GSK3B: variants seen among roughly 807,000 people sequenced by gnomAD.
GSK3B encodes the protein glycogen synthase kinase-3 beta.
In GSK3B, 15 loss-of-function variants were observed where a neutral mutation model predicts 56.4. The ratio of observed to expected loss-of-function variants is 0.27; its 90% CI spans 0.18 to 0.41. GSK3B has a LOEUF of 0.41. Among genes scored for constraint, GSK3B ranks in the 10% least tolerant of loss-of-function variants. The pLI is 1.00. For missense variants in GSK3B, 300 were observed against 513.4 expected, an observed-to-expected ratio of 0.58 and a Z score of 4.02; for synonymous variants, 181 against 188.9, an observed-to-expected ratio of 0.96 and a Z score of 0.34.
At chr3:120,092,523 T>C (rs1046739569) in intron 1 of GSK3B, among the ~76,000 whole-genome samples, 19 of 152,186 alleles carry the variant, frequency 1.2e-4, no homozygotes, top group African/African-American at 4.3e-4. Flanking sequence ...GTGACAACAT[T>C]TAACTTAGTA....
chr3:119,863,298 C>T, intron 9 of GSK3B, 121 bp downstream of exon 9: 1 of 758,040 alleles, frequency 1.3e-6, no homozygotes, highest in Non-Finnish European at 2.3e-6. Context: ...CTCTTTTCAC[C>T]TACCTAAGTA....
At chr3:119,904,170 GA>G (rs76551192) in intron 7 of GSK3B, among the ~76,000 whole-genome samples, 34,974 of 151,918 alleles carry the variant, frequency 0.23, 5,016 homozygotes, top group Non-Finnish European at 0.32. Context: ...TTTTGTTACT[GA>G]AGTACCTATA....
At chr3:119,882,863 T>G (rs1338869209) in intron 7 of GSK3B, among the ~76,000 whole-genome samples, 1 of 152,242 alleles carries the variant, frequency 6.6e-6, no homozygotes, top group South Asian at 2.1e-4. Context: ...CTTTATTATA[T>G]TTACAATCAG....
chr3:120,079,136 T>A (rs141116688), intron 1 of GSK3B, among the ~76,000 whole-genome samples: 2 of 151,018 alleles, frequency 1.3e-5, no homozygotes, highest in Admixed American at 6.6e-5. Context: ...GAGACAGGGT[T>A]TCACCATGTT....
chr3:119,913,690 C>T (rs1419403222), intron 5 of GSK3B, among the ~76,000 whole-genome samples: 1 of 151,424 alleles, frequency 6.6e-6, no homozygotes, highest in African/African-American at 2.4e-5. Context: ...ACTGGAAAAC[C>T]AGGGTAAAGA....
At chr3:120,001,886 A>T (rs997024114) in intron 2 of GSK3B, among the ~76,000 whole-genome samples, 160 bp downstream of exon 2, 8 of 152,226 alleles carry the variant, frequency 5.3e-5, no homozygotes, top group Non-Finnish European at 1.5e-5. Flanking sequence ...TTATCTCTAC[A>T]AAATACATGA....
intron 1 of GSK3B, among the ~76,000 whole-genome samples, chr3:120,091,755 C>A (rs545610011): frequency 6.6e-6 from 1 of 152,108 alleles, no homozygotes; most frequent in African/African-American, 2.4e-5. Flanking sequence ...AAGCACGACC[C>A]TTCCCTGAAA....
rs533087576 is a variant in GSK3B, at chr3:120,075,485, C to G, written c.88+17862G>C. 1.2e-4 allele frequency among the ~76,000 whole-genome samples: 18 copies of G among 152,170 alleles called. No homozygotes were observed. The South Asian group carries it at 3.7e-3, about 32-fold the overall frequency. On this transcript the variant is annotated intron_variant, in intron 1 of 10. Transcript: ENST00000264235. ...ATGGCATGATCCCATATATAGAAAA[C>G]TCCAAAGACCACATGAAAAACTGTT...
At chr3:119,926,163 T>C (rs1407220540) in intron 3 of GSK3B, among the ~76,000 whole-genome samples, 1 of 152,164 alleles carries the variant, frequency 6.6e-6, no homozygotes, top group African/African-American at 2.4e-5. Context: ...TCCAGTCTAA[T>C]GACTCAATAC....
chr3:119,832,703 T>C lies in GSK3B; in HGVS notation c.1196-5848A>G, dbSNP rs141372671. ...GTTTTCTGAAAAGTCTATGGCTCTA[T>C]GGCTTTGTACCAGATGCTGCAAAGC... On this transcript the variant is annotated intron_variant, in intron 10 of 10. Coordinates refer to ENST00000264235, the MANE Select transcript of GSK3B (RefSeq NM_001146156.2). Among the ~76,000 whole-genome samples, 280 of 152,378 alleles carry C rather than the reference T, an allele frequency of 1.8e-3. 1 individual carries two copies. The highest frequency in any genetic ancestry group is 5.2e-3 in the Admixed American group (80 of 15,306).
At chr3:119,994,238 T>C (rs531152470) in intron 2 of GSK3B, among the ~76,000 whole-genome samples, 8 of 152,228 alleles carry the variant, frequency 5.3e-5, no homozygotes, top group African/African-American at 1.9e-4. Flanking sequence ...TGAGTCCATA[T>C]GATATATACA....
chr3:119,927,264 T>G (rs1316155756), intron 3 of GSK3B, among the ~76,000 whole-genome samples: 1 of 152,232 alleles, frequency 6.6e-6, no homozygotes, highest in East Asian at 1.9e-4. Context: ...AAAATTAGAT[T>G]ACAAACTGAC....
chr3:119,851,565 AAATC>A (rs909315590), intron 9 of GSK3B, among the ~76,000 whole-genome samples: 2 of 152,180 alleles, frequency 1.3e-5, no homozygotes, highest in Non-Finnish European at 2.9e-5. Flanking sequence ...AGAGGGAAGA[AAATC>A]AACCCCTCTA....
At chr3:120,066,423 G>A (rs1248225987) in intron 1 of GSK3B, among the ~76,000 whole-genome samples, 1 of 152,066 alleles carries the variant, frequency 6.6e-6, no homozygotes, top group Non-Finnish European at 1.5e-5. Flanking sequence ...TGGCAAAAAT[G>A]GAACAATTTG....
chr3:119,938,405 GC>G (rs2057016403), intron 3 of GSK3B, among the ~76,000 whole-genome samples: 1 of 151,872 alleles, frequency 6.6e-6, no homozygotes, highest in Admixed American at 6.6e-5. Flanking sequence ...AAATCTAATA[GC>G]ATATTAAAAG....
chr3:120,065,081 T>C (rs1351248244), intron 1 of GSK3B, among the ~76,000 whole-genome samples: 1 of 152,142 alleles, frequency 6.6e-6, no homozygotes, highest in Admixed American at 6.5e-5. Context: ...TTTTTAGATA[T>C]GATGCCAAAA....
At chr3:120,047,854 T>C (rs931651779) in intron 1 of GSK3B, among the ~76,000 whole-genome samples, 2 of 152,236 alleles carry the variant, frequency 1.3e-5, no homozygotes, top group African/African-American at 4.8e-5. Context: ...AGATGTTCTG[T>C]ACTTAACTTG....
rs145447852 is a variant in GSK3B, at chr3:119,997,755, G to A, written c.282+4291C>T. The stretch of plus-strand genomic sequence containing the variant: ...CATAAGCCAAAATGGACAAATCAGC[G>A]GAAAAGAAAAGGAAACCCAGAAGAA... On this transcript the variant is annotated intron_variant, in intron 2 of 10. Coordinates refer to ENST00000264235, the MANE Select transcript of GSK3B (RefSeq NM_001146156.2). Among the ~76,000 whole-genome samples the A allele has an allele frequency of 6.6e-5, 10 of 152,104 alleles. 1 individual carries two copies. In the East Asian group the frequency reaches 7.7e-4, roughly 12 times the overall value.
At chr3:119,913,169 T>G (rs1280671056) in intron 5 of GSK3B, among the ~76,000 whole-genome samples, 2 of 152,098 alleles carry the variant, frequency 1.3e-5, no homozygotes, top group African/African-American at 4.8e-5. Flanking sequence ...CCAAAAAGCA[T>G]GACAATGGAT....
Sources: allele counts gnomAD v4.1 joint callset (sites outside exome capture counted in the v4.1 genomes callset), GRCh38; gene constraint gnomAD v4.1.1; transcripts MANE v1.5; gene names NCBI Gene and HGNC (gene_info 2026-07-23, HGNC 2026-07-21).